The following ZNF609 variants were observed in gnomAD, a reference collection of about 807,000 sequenced individuals.
The protein encoded by ZNF609 is zinc finger protein 609.
Under a neutral mutation model 109.5 loss-of-function variants are expected in ZNF609, and 11 were observed. The observed-to-expected ratio is 0.10, with a 90% CI of 0.06 to 0.17. The LOEUF is 0.17. Among genes scored for constraint, ZNF609 ranks in the 10% least tolerant of loss-of-function variants. The pLI, the probability that ZNF609 is intolerant of heterozygous loss-of-function variation, is 1.00. For synonymous variants in ZNF609, 646 were observed against 662.0 expected (o/e 0.98, Z 0.37); for missense variants, 1,559 against 1,772.4 (o/e 0.88, Z 2.16).
At chr15:64,536,145 T>C (rs774243298) in intron 2 of ZNF609, among the ~76,000 whole-genome samples, 39 of 152,156 alleles carry the variant, frequency 2.6e-4, no homozygotes, top group Non-Finnish European at 4.9e-4. Flanking sequence ...CTCAGCCTCA[T>C]GAGTAGCTAG....
At chr15:64,642,040 A>C (rs1331304456) in intron 3 of ZNF609, among the ~76,000 whole-genome samples, 1 of 152,172 alleles carries the variant, frequency 6.6e-6, no homozygotes, top group African/African-American at 2.4e-5. Context: ...AAAAACCTAG[A>C]GATGTTGCTG....
At chr15:64,479,999 CT>C (rs34030438) in intron 1 of ZNF609, among the ~76,000 whole-genome samples, 131,776 of 151,806 alleles carry the variant, frequency 0.87, 58,410 homozygotes, top group East Asian at 0.96. Context: ...CTTTGGGAGG[CT>C]TGAGGTGGGC....
chr15:64,462,386 T>C (rs1450447723), intron 1 of ZNF609, among the ~76,000 whole-genome samples: 1 of 152,244 alleles, frequency 6.6e-6, no homozygotes, highest in Non-Finnish European at 1.5e-5. Context: ...AGTTGAATCA[T>C]CATATTTAAT....
intron 2 of ZNF609, chr15:64,529,445 G>A (rs749427447): frequency 1.5e-5 from 14 of 905,426 alleles, no homozygotes; most frequent in Non-Finnish European, 2.3e-5. Context: ...CCTGGAAAAT[G>A]GGTGATGGGG....
intron 2 of ZNF609, among the ~76,000 whole-genome samples, chr15:64,607,141 T>TA (rs1254002813): frequency 2.7e-5 from 4 of 147,812 alleles, no homozygotes; most frequent in African/African-American, 5.0e-5. Context: ...TGACACTCCA[T>TA]AAAAAAAATA....
chr15:64,660,932 A>C (rs1432598753), intron 3 of ZNF609, among the ~76,000 whole-genome samples: 2 of 151,838 alleles, frequency 1.3e-5, no homozygotes, highest in African/African-American at 4.8e-5. Flanking sequence ...TCCATAGCTT[A>C]TCACTCTCTG....
chr15:64,502,065 A>C (rs1332938455), intron 2 of ZNF609: 1 of 152,110 alleles, frequency 6.6e-6, no homozygotes, highest in African/African-American at 2.4e-5. Context: ...TCCCAGGGAG[A>C]CTCTGAGAAT....
At chr15:64,472,872 G>C (rs1057263008) in intron 1 of ZNF609, among the ~76,000 whole-genome samples, 1 of 152,050 alleles carries the variant, frequency 6.6e-6, no homozygotes, top group Admixed American at 6.6e-5. Flanking sequence ...TAAAGACCAA[G>C]AATATACCTT....
chr15:64,571,345 T>G (rs1894857173), intron 2 of ZNF609, among the ~76,000 whole-genome samples: 1 of 152,158 alleles, frequency 6.6e-6, no homozygotes, highest in Non-Finnish European at 1.5e-5. Flanking sequence ...GTTTGCTAAA[T>G]ATAGTGCTGG....
chr15:64,484,229 A>C (rs542339139), intron 1 of ZNF609, among the ~76,000 whole-genome samples: 1 of 152,184 alleles, frequency 6.6e-6, no homozygotes, highest in East Asian at 1.9e-4. Context: ...TAGGTCCCCA[A>C]ATTGTTGAGA....
intron 2 of ZNF609, among the ~76,000 whole-genome samples, chr15:64,520,038 G>T (rs1015392450): frequency 5.3e-5 from 8 of 152,264 alleles, no homozygotes. Flanking sequence ...AGGCAGGTGA[G>T]TAGTTTCATC....
intron 2 of ZNF609, among the ~76,000 whole-genome samples, chr15:64,614,093 G>C (rs891663667): frequency 4.0e-5 from 6 of 150,844 alleles, no homozygotes; most frequent in African/African-American, 1.5e-4. Flanking sequence ...AATTTTTTTT[G>C]TATTTTTAGT....
intron 2 of ZNF609, among the ~76,000 whole-genome samples, chr15:64,620,112 G>A (rs1205915886): frequency 6.6e-6 from 1 of 152,206 alleles, no homozygotes; most frequent in East Asian, 1.9e-4. Context: ...GTGCAAGCAA[G>A]GCAATCAGAA....
chr15:64,667,744 A>G (rs1896670848), intron 3 of ZNF609, among the ~76,000 whole-genome samples: 1 of 152,082 alleles, frequency 6.6e-6, no homozygotes, highest in Non-Finnish European at 1.5e-5. Context: ...AGAAACACAG[A>G]TGCAAGTCAC....
intron 3 of ZNF609, among the ~76,000 whole-genome samples, chr15:64,663,163 C>A (rs1298416701): frequency 1.3e-5 from 2 of 152,018 alleles, no homozygotes; most frequent in Non-Finnish European, 2.9e-5. Context: ...AAGATGGAAG[C>A]AAGTTAGGAA....
chr15:64,600,467 G>GA (rs561428455), intron 2 of ZNF609, among the ~76,000 whole-genome samples: 6,396 of 121,956 alleles, frequency 0.052, 189 homozygotes, highest in South Asian at 0.084. Context: ...AAAAAAAAAA[G>GA]AAAAAAAAAA....
At chr15:64,472,781 A>G (rs1446569605) in intron 1 of ZNF609, among the ~76,000 whole-genome samples, 3 of 152,138 alleles carry the variant, frequency 2.0e-5, no homozygotes, top group Non-Finnish European at 4.4e-5. Flanking sequence ...TGGGAGGTTG[A>G]GGCTGCCGTG....
At chr15:64,548,771 G>C (rs1017818237) in intron 2 of ZNF609, among the ~76,000 whole-genome samples, 15 of 152,056 alleles carry the variant, frequency 9.9e-5, no homozygotes, top group African/African-American at 3.6e-4. Flanking sequence ...TTAAAAAAAA[G>C]AAAGAAAGAA....
chr15:64,575,559 C>A (rs186413001), intron 2 of ZNF609, among the ~76,000 whole-genome samples: 2 of 152,198 alleles, frequency 1.3e-5, no homozygotes, highest in East Asian at 1.9e-4. Context: ...CTTCTGTTTT[C>A]TTAGGGAGGT....
Sources: allele counts gnomAD v4.1 joint callset (sites outside exome capture counted in the v4.1 genomes callset), GRCh38; gene constraint gnomAD v4.1.1; transcripts MANE v1.5; gene names NCBI Gene and HGNC (gene_info 2026-07-23, HGNC 2026-07-21).